Variants in PDE4B observed in about 807,000 individuals in gnomAD.
The protein encoded by PDE4B is phosphodiesterase 4B.
PDE4B carries 20 observed loss-of-function variants against 82.2 expected under a neutral mutation model. That is an observed-to-expected ratio of 0.24 (90% CI 0.17 to 0.35). The LOEUF (loss-of-function observed/expected upper bound fraction) is 0.35, where lower values mean the gene tolerates loss of function less well. Among genes scored for constraint, PDE4B ranks in the 10% least tolerant of loss-of-function variants. The pLI is 1.00. For missense variants in PDE4B, 655 were observed against 907.2 expected, an observed-to-expected ratio of 0.72 and a Z score of 3.57; for synonymous variants, 320 against 318.9, an observed-to-expected ratio of 1.00 and a Z score of -0.04.
chr1:66,288,545 C>T (rs1321952759), intron 7 of PDE4B, among the ~76,000 whole-genome samples: 1 of 152,024 alleles, frequency 6.6e-6, no homozygotes, highest in Non-Finnish European at 1.5e-5. Context: ...CTACAAATGA[C>T]GCTGAATAAA....
intron 7 of PDE4B, among the ~76,000 whole-genome samples, chr1:66,322,520 C>A (rs1659474855): frequency 6.6e-6 from 1 of 152,128 alleles, no homozygotes; most frequent in Non-Finnish European, 1.5e-5. Flanking sequence ...ACAGACATTT[C>A]TCAAAAGAAG....
At chr1:66,235,735 G>C (rs1652357842) in intron 3 of PDE4B, among the ~76,000 whole-genome samples, 1 of 152,020 alleles carries the variant, frequency 6.6e-6, no homozygotes, top group Non-Finnish European at 1.5e-5. Context: ...CTACCATGTT[G>C]CTATTTGTTT....
intron 3 of PDE4B, among the ~76,000 whole-genome samples, chr1:66,150,943 G>T (rs1309955900): frequency 2.0e-5 from 3 of 152,082 alleles, no homozygotes; most frequent in Admixed American, 6.5e-5. Context: ...CTAGAATTTT[G>T]TTGAGGAATT....
chr1:66,188,709 A>G (rs1425032154), intron 3 of PDE4B, among the ~76,000 whole-genome samples: 2 of 151,188 alleles, frequency 1.3e-5, no homozygotes, highest in Non-Finnish European at 3.0e-5. Context: ...CCATGCCTTT[A>G]TTTTGAGCCT....
chr1:66,313,682 G>A (rs1172758176), intron 7 of PDE4B, among the ~76,000 whole-genome samples: 1 of 152,206 alleles, frequency 6.6e-6, no homozygotes, highest in African/African-American at 2.4e-5. Context: ...TGCTTTGACT[G>A]TGTGGCAACT....
chr1:66,345,058 C>T (rs1429293664), intron 8 of PDE4B, among the ~76,000 whole-genome samples: 1 of 152,180 alleles, frequency 6.6e-6, no homozygotes, highest in Admixed American at 6.5e-5. Flanking sequence ...GCGCTCTTAC[C>T]TGTGTTCTCG....
intron 3 of PDE4B, among the ~76,000 whole-genome samples, chr1:66,044,061 C>T (rs1468150562): frequency 6.6e-6 from 1 of 150,688 alleles, no homozygotes; most frequent in Non-Finnish European, 1.5e-5. Flanking sequence ...ATTATATGTG[C>T]TTTGTCATCT....
chr1:66,200,882 G>A (rs1384868543), intron 3 of PDE4B, among the ~76,000 whole-genome samples: 1 of 152,122 alleles, frequency 6.6e-6, no homozygotes, highest in Non-Finnish European at 1.5e-5. Context: ...CCAACACTAT[G>A]TTGAATAGGA....
chr1:66,320,327 G>A (rs1032656369), intron 7 of PDE4B, among the ~76,000 whole-genome samples: 1 of 152,134 alleles, frequency 6.6e-6, no homozygotes, highest in African/African-American at 2.4e-5. Context: ...TACTCAGTGA[G>A]AGTTAAATAT....
intron 1 of PDE4B, among the ~76,000 whole-genome samples, chr1:65,816,870 G>GA (rs1413960610): frequency 2.6e-5 from 4 of 151,998 alleles, no homozygotes; most frequent in African/African-American, 9.7e-5. Context: ...TTATAATTTT[G>GA]AAAAATAATT....
chr1:66,266,026 C>G lies in PDE4B; in HGVS notation c.585-12C>G. 1.9e-6 allele frequency: 3 copies of G among 1,610,636 alleles called. No individual in the cohort carries two copies. The highest frequency in any genetic ancestry group is 2.5e-6 in the Non-Finnish European group (3 of 1,176,892). ...TACACAGACTCAGTCCTTCTTTTCT[C>G]TGTCTCCACAGGAGGTCCCCAGCTG... On this transcript the variant is annotated splice_polypyrimidine_tract_variant and intron_variant, in intron 6 of 16. Coordinates refer to ENST00000341517, the MANE Select transcript of PDE4B (RefSeq NM_002600.4).
chr1:66,372,736 G>A lies in PDE4B; in HGVS notation c.*58G>A, dbSNP rs963601918. Reference sequence around the variant, plus strand: ...CCTTGATGAGCATGCCAGCTATGTGGTAGGGCCAGCCCACCATGGGGGCCA... The same window carrying A: ...CCTTGATGAGCATGCCAGCTATGTGATAGGGCCAGCCCACCATGGGGGCCA... On this transcript the variant is annotated 3_prime_UTR_variant, in exon 17 of 17. Transcript: ENST00000341517. The A allele has an allele frequency of 6.4e-7, 1 of 1,552,540 alleles. No individual in the cohort carries two copies. The highest frequency in any genetic ancestry group is 8.7e-7 in the Non-Finnish European group (1 of 1,145,040).
chr1:66,161,085 A>G (rs1328286818), intron 3 of PDE4B, among the ~76,000 whole-genome samples: 1 of 152,226 alleles, frequency 6.6e-6, no homozygotes, highest in African/African-American at 2.4e-5. Flanking sequence ...TGTAGCATAC[A>G]ACCCTAAATC....
At chr1:66,246,910 A>G (rs1653355013) in intron 3 of PDE4B, among the ~76,000 whole-genome samples, 1 of 152,260 alleles carries the variant, frequency 6.6e-6, no homozygotes, top group African/African-American at 2.4e-5. Flanking sequence ...TGGGCCTCCC[A>G]TCTAATAACC....
intron 4 of PDE4B, chr1:66,257,274 TG>T: frequency 3.0e-6 from 1 of 331,908 alleles, no homozygotes; most frequent in South Asian, 3.0e-5. Context: ...TTTCCAACTG[TG>T]TGTGTCCCTG....
intron 7 of PDE4B, among the ~76,000 whole-genome samples, chr1:66,280,641 A>G (rs2101779401): frequency 6.6e-6 from 1 of 152,312 alleles, no homozygotes; most frequent in African/African-American, 2.4e-5. Context: ...ACACCTGGAT[A>G]TTAAAACTTA....
At chr1:65,935,200 C>G (rs1297109649) in intron 3 of PDE4B, among the ~76,000 whole-genome samples, 1 of 151,888 alleles carries the variant, frequency 6.6e-6, no homozygotes, top group Non-Finnish European at 1.5e-5. Context: ...AAATCAGTAG[C>G]AGAAGGAAAA....
intron 3 of PDE4B, among the ~76,000 whole-genome samples, chr1:66,005,665 A>G (rs1427203438): frequency 6.6e-6 from 1 of 152,172 alleles, no homozygotes; most frequent in Non-Finnish European, 1.5e-5. Flanking sequence ...TTTCACAAGG[A>G]TCATGCCAAG....
intron 3 of PDE4B, among the ~76,000 whole-genome samples, chr1:66,085,891 T>G (rs2100975345): frequency 6.6e-6 from 1 of 152,224 alleles, no homozygotes; most frequent in South Asian, 2.1e-4. Context: ...GATGAGGAGC[T>G]CATCCCACGC....
Sources: gnomAD v4.1 joint callset for allele counts (sites outside exome capture counted in the v4.1 genomes callset) on GRCh38, gnomAD v4.1.1 for gene constraint, MANE v1.5 for transcripts, NCBI Gene and HGNC (gene_info 2026-07-23, HGNC 2026-07-21) for gene names.